The following CRY2 variants were observed in gnomAD, a reference collection of about 807,000 sequenced individuals.
CRY2 encodes the protein cryptochrome circadian regulator 2, also known as cryptochrome-2.
CRY2 carries 31 observed loss-of-function variants against 69.5 expected under a neutral mutation model. The observed-to-expected ratio is 0.45, with a 90% CI of 0.34 to 0.60. The LOEUF (loss-of-function observed/expected upper bound fraction) is 0.60, where lower values mean the gene tolerates loss of function less well. Among genes scored for constraint, CRY2 ranks in the 20% least tolerant of loss-of-function variants. The probability of loss-of-function intolerance (pLI) is 0.02; values close to 1 mark genes in which losing one functional copy is unlikely to be tolerated. For missense variants in CRY2, 606 were observed against 797.8 expected (o/e 0.76, Z 2.90); for synonymous variants, 303 against 312.2 (o/e 0.97, Z 0.31).
At chr11:45,865,709 A>G (rs1369231689) in intron 5 of CRY2, among the ~76,000 whole-genome samples, 1 of 151,848 alleles carries the variant, frequency 6.6e-6, no homozygotes, top group East Asian at 1.9e-4. Flanking sequence ...CAGTGAGCCG[A>G]GATCACACCA....
chr11:45,852,858 G>T (rs1344687628), intron 1 of CRY2, among the ~76,000 whole-genome samples: 2 of 152,196 alleles, frequency 1.3e-5, no homozygotes, highest in Non-Finnish European at 2.9e-5. Flanking sequence ...GGAGGTCTGG[G>T]TTAGAGCCTG....
At chr11:45,859,330 T>TAGAGAGGCCAAAG (rs1554957405) in intron 3 of CRY2, among the ~76,000 whole-genome samples, 1 of 151,704 alleles carries the variant, frequency 6.6e-6, no homozygotes, top group African/African-American at 2.4e-5. Flanking sequence ...TCCCAGCACT[T>TAGAGAGGCCAAAG]TGAGAGGATC....
At chr11:45,879,458 C>T (rs1373614453) in intron 11 of CRY2, among the ~76,000 whole-genome samples, 2 of 152,196 alleles carry the variant, frequency 1.3e-5, no homozygotes, top group Non-Finnish European at 2.9e-5. Flanking sequence ...ACATGTATGT[C>T]TGTTGGATAT....
chr11:45,868,729 G>T (rs989533321), intron 6 of CRY2, among the ~76,000 whole-genome samples: 11 of 152,146 alleles, frequency 7.2e-5, no homozygotes, highest in African/African-American at 2.7e-4. Flanking sequence ...AACCTTTCAG[G>T]CTCAGGTGAT....
At chr11:45,858,596 T>C in intron 2 of CRY2, 135 bp from the exon 3 acceptor site, 1 of 991,918 alleles carries the variant, frequency 1.0e-6, no homozygotes, top group Non-Finnish European at 1.4e-6. Flanking sequence ...ATCAAATCCC[T>C]GTTCCTAGTT....
chr11:45,869,798 G>T lies in CRY2; in HGVS notation c.1175G>T (p.Ser392Ile). ...CFLTRGDLWV[S>I]WESGVRVFDE... ...CTGACCCGCGGGGACCTCTGGGTCA[G>T]CTGGGAGAGCGGGGTCCGGGTGAGT... Residue 392 changes from serine (S) to isoleucine (I), a missense_variant, in exon 7 of 12, where the codon AGC (serine) becomes ATC (isoleucine). Physicochemically the swap from Ser to Ile is moderately radical, Grantham distance 142. Transcript: ENST00000616080. 1 of 1,608,954 alleles carries T rather than the reference G, an allele frequency of 6.2e-7. No homozygotes were observed. Among genetic ancestry groups the T allele is most frequent in the Non-Finnish European group, 8.5e-7 (1 of 1,176,224 alleles).
intron 11 of CRY2, among the ~76,000 whole-genome samples, chr11:45,879,326 A>G (rs2086450329): frequency 6.6e-6 from 1 of 152,202 alleles, no homozygotes; most frequent in Admixed American, 6.5e-5. Context: ...ATAAATTATC[A>G]TCAGATAAAA....
intron 1 of CRY2, among the ~76,000 whole-genome samples, chr11:45,853,537 A>G (rs936357636): frequency 6.6e-6 from 1 of 152,198 alleles, no homozygotes; most frequent in Non-Finnish European, 1.5e-5. Context: ...TGTGCATTCC[A>G]ACCTTATTTA....
chr11:45,847,297 G>A (rs1256470995), upstream of CRY2: 4 of 1,497,586 alleles, frequency 2.7e-6, no homozygotes, highest in Non-Finnish European at 1.8e-6. Context: ...AACGTGAGGG[G>A]GCGGGCCTGT....
At chr11:45,856,198 G>A in intron 2 of CRY2, 108 bp downstream of exon 2, 1 of 935,066 alleles carries the variant, frequency 1.1e-6, no homozygotes, top group South Asian at 1.6e-5. Flanking sequence ...CATCAGGGCT[G>A]GTCTGGCTGT....
chr11:45,850,265 C>T (rs1054417294), intron 1 of CRY2, among the ~76,000 whole-genome samples: 1 of 152,070 alleles, frequency 6.6e-6, no homozygotes, highest in African/African-American at 2.4e-5. Context: ...GCGTCAACCT[C>T]CCGAAGTGCT....
intron 6 of CRY2, 31 bp from the exon 7 acceptor site, chr11:45,869,475 T>G: frequency 6.3e-7 from 1 of 1,578,640 alleles, no homozygotes; most frequent in Non-Finnish European, 8.6e-7. Flanking sequence ...TGGGCGAGTG[T>G]TTGTATCCAT....
upstream of CRY2, chr11:45,847,369 G>C: frequency 6.3e-7 from 1 of 1,598,998 alleles, no homozygotes; most frequent in Non-Finnish European, 8.5e-7. Flanking sequence ...AGGGGCTCTG[G>C]GGCCCTGTGG....
upstream of CRY2, chr11:45,847,346 C>T (rs1341093699): frequency 1.3e-6 from 2 of 1,595,828 alleles, no homozygotes; most frequent in Non-Finnish European, 1.7e-6. Context: ...GGAAGGCACT[C>T]AGCCAATGGC....
chr11:45,870,992 C>T (rs1479601496), intron 10 of CRY2, 58 bp downstream of exon 10: 2 of 1,439,658 alleles, frequency 1.4e-6, no homozygotes, highest in African/African-American at 1.4e-5. Flanking sequence ...CCACTTCAGT[C>T]ATTCAGGACT....
In CRY2 at chr11:45,882,029, G is replaced by T. The variant is rs1160370175; in HGVS notation, c.*1118G>T. ...TCAGGGATGGGGACTGCCAGGGGCA[G>T]TTGGCAAAAGTCCAAGTAGAGATTA... On this transcript the variant is annotated 3_prime_UTR_variant, in exon 12 of 12. Coordinates refer to ENST00000616080, the MANE Select transcript of CRY2 (RefSeq NM_021117.5). The T allele has an allele frequency of 6.6e-6, 1 of 152,310 alleles. No individual in the cohort carries two copies. The highest frequency in any genetic ancestry group is 1.5e-5 in the Non-Finnish European group (1 of 68,078). The allele number at this position is 152,310 out of a possible 1,614,324, so 9.4% of individuals were successfully genotyped here. A position where few individuals can be genotyped will look rare whatever the true frequency, so the allele number is the denominator to read the frequency against.
chr11:45,876,748 G>T (rs1340475413), intron 11 of CRY2, among the ~76,000 whole-genome samples: 1 of 152,184 alleles, frequency 6.6e-6, no homozygotes, highest in African/African-American at 2.4e-5. Flanking sequence ...GATTCTCCTT[G>T]ATGTCTTTTT....
intron 5 of CRY2, among the ~76,000 whole-genome samples, chr11:45,866,925 A>T (rs1329212513): frequency 2.0e-5 from 3 of 152,176 alleles, no homozygotes; most frequent in Non-Finnish European, 2.9e-5. Context: ...ACTGCACTCC[A>T]GCCTGGGTGA....
intron 6 of CRY2, 143 bp downstream of exon 6, chr11:45,867,895 G>A: frequency 9.5e-7 from 1 of 1,058,164 alleles, no homozygotes; most frequent in Non-Finnish European, 1.3e-6. Context: ...AGATAGTCCG[G>A]AGGAGGAGAG....
Sources: allele counts gnomAD v4.1 joint callset (sites outside exome capture counted in the v4.1 genomes callset), GRCh38; gene constraint gnomAD v4.1.1; transcripts MANE v1.5; gene names NCBI Gene and HGNC (gene_info 2026-07-23, HGNC 2026-07-21).